Variants in RORA observed in about 807,000 individuals in gnomAD.
RORA encodes the protein RAR related orphan receptor A.
RORA carries 7 observed loss-of-function variants against 69.5 expected under a neutral mutation model. The observed-to-expected ratio is 0.10, with a 90% confidence interval of 0.06 to 0.19. RORA has a LOEUF of 0.19. RORA is among the 10% of genes least tolerant of loss of function. The pLI is 1.00. For synonymous variants in RORA, 261 were observed against 240.8 expected, an observed-to-expected ratio of 1.08 and a Z score of -0.78; for missense variants, 457 against 663.0, an observed-to-expected ratio of 0.69 and a Z score of 3.41.
chr15:60,653,076 A>C (rs2070167703), intron 2 of RORA, among the ~76,000 whole-genome samples: 1 of 152,166 alleles, frequency 6.6e-6, no homozygotes, highest in South Asian at 2.1e-4. Flanking sequence ...TTTACCTGAG[A>C]TGTTACGCTG....
At chr15:60,833,611 AC>A (rs144898194) in intron 1 of RORA, among the ~76,000 whole-genome samples, 29,916 of 151,988 alleles carry the variant, frequency 0.2, 3,490 homozygotes, top group Non-Finnish European at 0.26. Context: ...AGTTCACCAA[AC>A]CCACCAAGCC....
At chr15:60,717,796 C>CTTT (rs10653856) in intron 1 of RORA, among the ~76,000 whole-genome samples, 1,566 of 91,872 alleles carry the variant, frequency 0.017, 30 homozygotes, top group East Asian at 0.037. Flanking sequence ...TTCTTTTTCT[C>CTTT]TTTTTTTTTT....
chr15:61,052,071 A>C (rs1015646866), intron 1 of RORA, among the ~76,000 whole-genome samples: 10 of 152,244 alleles, frequency 6.6e-5, no homozygotes, highest in Non-Finnish European at 1.2e-4. Flanking sequence ...GAAACAGAAA[A>C]GACAGAGGAT....
intron 1 of RORA, among the ~76,000 whole-genome samples, chr15:61,214,752 C>T (rs901582738): frequency 3.5e-4 from 54 of 152,172 alleles, no homozygotes; most frequent in African/African-American, 1.1e-3. Flanking sequence ...ACCACCCTAA[C>T]GGTTGAAAAC....
intron 1 of RORA, among the ~76,000 whole-genome samples, chr15:61,207,790 A>G (rs1324583462): frequency 6.6e-6 from 1 of 152,236 alleles, no homozygotes; most frequent in Non-Finnish European, 1.5e-5. Flanking sequence ...GCTTCCAAAT[A>G]CTTCATCCAA....
rs745479270 is a variant in RORA at position 60,868,816 on chromosome 15, A to C, written c.167-190130T>G. On this transcript the variant is annotated intron_variant, in intron 1 of 10. Transcript: ENST00000335670. ...AAAGCATTTTCCAGGGGGGAAAAAC[A>C]CTCAGTAAGAGGAAAATTGAGAAAA... Among the ~76,000 whole-genome samples the C allele has an allele frequency of 8.6e-4, 131 of 152,326 alleles. 2 individuals carry two copies. The highest frequency in any genetic ancestry group is 3.9e-4 in the East Asian group (2 of 5,186).
chr15:60,686,995 T>G (rs1223056862), intron 1 of RORA: 5 of 151,928 alleles, frequency 3.3e-5, no homozygotes, highest in Admixed American at 3.3e-4. Flanking sequence ...GGTCTGCAGC[T>G]CCCCCCAGAA....
chr15:60,855,218 G>C (rs917775252), intron 1 of RORA, among the ~76,000 whole-genome samples: 2 of 152,222 alleles, frequency 1.3e-5, no homozygotes, highest in Non-Finnish European at 2.9e-5. Flanking sequence ...GGGTATCAAA[G>C]GAATGAGACG....
chr15:60,877,059 T>C (rs1463785387), intron 1 of RORA, among the ~76,000 whole-genome samples: 1 of 152,196 alleles, frequency 6.6e-6, no homozygotes, highest in Non-Finnish European at 1.5e-5. Flanking sequence ...CTATGACTTA[T>C]GTAACAAACC....
At chr15:60,557,692 C>T (rs1321611314) in intron 2 of RORA, among the ~76,000 whole-genome samples, 1 of 152,168 alleles carries the variant, frequency 6.6e-6, no homozygotes, top group Non-Finnish European at 1.5e-5. Flanking sequence ...GGATAGTTCT[C>T]TCAAAGAATA....
intron 1 of RORA, among the ~76,000 whole-genome samples, chr15:60,737,591 C>T (rs1001082314): frequency 3.3e-5 from 5 of 152,200 alleles, no homozygotes; most frequent in Admixed American, 1.3e-4. Flanking sequence ...GATGCTCACT[C>T]GTTTCAGAAC....
At chr15:60,567,717 C>G (rs1295974860) in intron 2 of RORA, among the ~76,000 whole-genome samples, 1 of 152,120 alleles carries the variant, frequency 6.6e-6, no homozygotes, top group Non-Finnish European at 1.5e-5. Context: ...AGCCGATACC[C>G]TCTTTTATTA....
chr15:60,635,525 A>G lies in RORA; in HGVS notation c.196+43132T>C, dbSNP rs138368983. 4.3e-3 allele frequency among the ~76,000 whole-genome samples: 659 copies of G among 152,352 alleles called. 1 individual carries two copies. Among genetic ancestry groups the G allele is most frequent in the African/African-American group, 0.015 (631 of 41,580 alleles). On this transcript the variant is annotated intron_variant, in intron 2 of 10. Transcript: ENST00000335670. ...TTTATTAAGGTGTTTCTTGCCAGAC[A>G]TATTCAAAATCTGTGTACTCAGATG...
chr15:60,893,802 G>A (rs1051959243), intron 1 of RORA, among the ~76,000 whole-genome samples: 3 of 152,102 alleles, frequency 2.0e-5, no homozygotes, highest in African/African-American at 7.2e-5. Context: ...AAAGCTGAAA[G>A]GATCTTTAGA....
intron 1 of RORA, among the ~76,000 whole-genome samples, chr15:60,758,705 G>A (rs1182214308): frequency 6.6e-6 from 1 of 152,048 alleles, no homozygotes; most frequent in Admixed American, 6.6e-5. Context: ...TTTTTTCCCT[G>A]CCATCGGTAC....
chr15:60,507,919 CCCTA>C lies in RORA; in HGVS notation c.821-2294_821-2291del, dbSNP rs371777136. ...GTCTTAAGAAACTGTGGCCACTTATCCCTACCTATTTAAAACAGCCAATAAAAAG... is the reference window on the plus strand; with the variant it reads ...GTCTTAAGAAACTGTGGCCACTTATCCCTATTTAAAACAGCCAATAAAAAG... On this transcript the variant is annotated intron_variant, in intron 5 of 10. Coordinates refer to ENST00000335670, the MANE Select transcript of RORA (RefSeq NM_134261.3). Among the ~76,000 whole-genome samples, 13 of 152,232 alleles carry C rather than the reference CCCTA, an allele frequency of 8.5e-5. No homozygotes were observed. In the South Asian group the frequency reaches 1.0e-3, roughly 12 times the overall value.
chr15:61,199,693 G>C (rs2079877544), intron 1 of RORA, among the ~76,000 whole-genome samples: 1 of 152,160 alleles, frequency 6.6e-6, no homozygotes, highest in Admixed American at 6.5e-5. Context: ...CTGAGGTCTA[G>C]TTTATCAAAC....
chr15:61,030,968 G>T (rs1411231112), intron 1 of RORA, among the ~76,000 whole-genome samples: 1 of 152,116 alleles, frequency 6.6e-6, no homozygotes, highest in African/African-American at 2.4e-5. Flanking sequence ...ACATACACAT[G>T]TATATTTCAT....
At chr15:61,188,376 G>A (rs987694507) in intron 1 of RORA, among the ~76,000 whole-genome samples, 6 of 152,302 alleles carry the variant, frequency 3.9e-5, no homozygotes, top group South Asian at 2.1e-4. Flanking sequence ...TGGGTGGGCC[G>A]GGTTTGACCC....
Sources: gnomAD v4.1 joint callset for allele counts (sites outside exome capture counted in the v4.1 genomes callset) on GRCh38, gnomAD v4.1.1 for gene constraint, MANE v1.5 for transcripts, NCBI Gene and HGNC (gene_info 2026-07-23, HGNC 2026-07-21) for gene names.